SPIRE1: variants seen among roughly 807,000 people sequenced by gnomAD.
SPIRE1 encodes protein spire homolog 1.
SPIRE1 carries 40 observed loss-of-function variants against 94.1 expected under a neutral mutation model. The observed-to-expected ratio is 0.43, with a 90% confidence interval of 0.33 to 0.55. SPIRE1 has a LOEUF of 0.55. Among genes scored for constraint, SPIRE1 ranks in the 20% least tolerant of loss-of-function variants. The probability of loss-of-function intolerance (pLI) is 0.06; values close to 1 mark genes in which losing one functional copy is unlikely to be tolerated. For missense variants in SPIRE1, 838 were observed against 975.2 expected, an observed-to-expected ratio of 0.86 and a Z score of 1.87; for synonymous variants, 376 against 371.7, an observed-to-expected ratio of 1.01 and a Z score of -0.13.
At chr18:12,513,856 T>G (rs2034114537) in intron 4 of SPIRE1, among the ~76,000 whole-genome samples, 2 of 151,572 alleles carry the variant, frequency 1.3e-5, no homozygotes, top group Non-Finnish European at 2.9e-5. Context: ...ATTTATTTAT[T>G]TTTAGAGACA....
chr18:12,611,836 T>C (rs1055654092), intron 2 of SPIRE1, among the ~76,000 whole-genome samples: 4 of 30,320 alleles, frequency 1.3e-4, no homozygotes, highest in African/African-American at 2.7e-4. Context: ...GCTACTTTTC[T>C]TTTTTTTTTT....
chr18:12,577,917 C>T (rs1234334650), intron 2 of SPIRE1, among the ~76,000 whole-genome samples: 1 of 152,010 alleles, frequency 6.6e-6, no homozygotes, highest in Non-Finnish European at 1.5e-5. Flanking sequence ...ATATACCTTA[C>T]AAAAGAAGAT....
chr18:12,618,143 C>T, intron 2 of SPIRE1, among the ~76,000 whole-genome samples: 1 of 151,960 alleles, frequency 6.6e-6, no homozygotes, highest in Non-Finnish European at 1.5e-5. Context: ...GCTCTGTCGC[C>T]CAGGCTGGAG....
chr18:12,554,357 C>T (rs2035441614), intron 2 of SPIRE1, among the ~76,000 whole-genome samples: 1 of 149,146 alleles, frequency 6.7e-6, no homozygotes, highest in African/African-American at 2.5e-5. Flanking sequence ...TTAGTGTCTA[C>T]TATGAACAAC....
rs189692387 is a variant in SPIRE1, at chr18:12,465,824, A to G, written c.1405-866T>C. 7.8e-3 allele frequency among the ~76,000 whole-genome samples: 1,191 copies of G among 152,204 alleles called. 12 individuals carry two copies. The highest frequency in any genetic ancestry group is 0.031 in the South Asian group (150 of 4,826). On this transcript the variant is annotated intron_variant, in intron 10 of 16. Coordinates refer to ENST00000409402, the MANE Select transcript of SPIRE1 (RefSeq NM_001128626.2). ...TTGTGGGCCAGGTACGGTGGCTCGC[A>G]CCTATAATCCCAGCACTTTGGGAGG...
rs1349942298 is a variant in SPIRE1, at chr18:12,522,590, T to C, written c.730-10059A>G. On this transcript the variant is annotated intron_variant, in intron 4 of 16. Transcript: ENST00000409402. ...ATTGGAAGAAGATACCATCTGGGAC[T>C]TTCATAGCTAGAGAGAAATCAGTGC... is the stretch of plus-strand genomic sequence containing the variant. Among the ~76,000 whole-genome samples the C allele has an allele frequency of 3.9e-5, 6 of 152,310 alleles. No homozygotes were observed. In the East Asian group the frequency reaches 1.2e-3, roughly 29 times the overall value.
At chr18:12,484,858 G>A (rs1400269514) in intron 9 of SPIRE1, among the ~76,000 whole-genome samples, 2 of 152,118 alleles carry the variant, frequency 1.3e-5, no homozygotes, top group African/African-American at 2.4e-5. Context: ...AGGAGTTTGA[G>A]AGCAGCCTGG....
chr18:12,558,548 T>C (rs955052038), intron 2 of SPIRE1, among the ~76,000 whole-genome samples: 1 of 152,182 alleles, frequency 6.6e-6, no homozygotes, highest in African/African-American at 2.4e-5. Context: ...ATCCTGCTGA[T>C]TGGTCCATTT....
intron 2 of SPIRE1, among the ~76,000 whole-genome samples, chr18:12,600,762 A>C (rs1421265927): frequency 6.6e-6 from 1 of 151,832 alleles, no homozygotes; most frequent in African/African-American, 2.4e-5. Flanking sequence ...TCGCTCTGTC[A>C]CTCAGGGTGG....
intron 4 of SPIRE1, among the ~76,000 whole-genome samples, chr18:12,522,641 G>C (rs1388772698): frequency 6.6e-6 from 1 of 152,118 alleles, no homozygotes; most frequent in Non-Finnish European, 1.5e-5. Flanking sequence ...CAAAGGACAG[G>C]GTGACTCTCT....
In SPIRE1 at chr18:12,448,213, T is replaced by C. The variant is rs2143459873; in HGVS notation, c.*1425A>G. 6.5e-6 allele frequency: 1 copy of C among 152,744 alleles called. No homozygotes were observed. Among genetic ancestry groups the C allele is most frequent in the African/African-American group, 2.4e-5 (1 of 41,578 alleles). 9.5% of individuals were successfully genotyped at this position (152,744 alleles called of 1,614,324 possible). A position where few individuals can be genotyped will look rare whatever the true frequency, so the allele number is the denominator to read the frequency against. On this transcript the variant is annotated 3_prime_UTR_variant, in exon 17 of 17. Transcript: ENST00000409402. This position sits in a 1 kb window ranked among gnomAD's most constrained non-coding sequence, Gnocchi z 4.4. ...ATTAAAAACTACTACCGGAGCAGTTTTGAGGTATTACTGTTAATTTAGTAT... is the reference window on the plus strand; with the variant it reads ...ATTAAAAACTACTACCGGAGCAGTTCTGAGGTATTACTGTTAATTTAGTAT...
intron 1 of SPIRE1, among the ~76,000 whole-genome samples, chr18:12,640,231 C>G (rs943344541): frequency 6.6e-6 from 1 of 152,076 alleles, no homozygotes; most frequent in Admixed American, 6.5e-5. Context: ...CAAACTATAC[C>G]TACCAAAAAA....
chr18:12,524,159 T>C (rs967094499), intron 4 of SPIRE1, among the ~76,000 whole-genome samples: 6 of 152,382 alleles, frequency 3.9e-5, no homozygotes, highest in African/African-American at 1.4e-4. Flanking sequence ...TATTGGATTA[T>C]ATTGTGTAAA....
At chr18:12,622,644 G>A (rs988379346) in intron 2 of SPIRE1, among the ~76,000 whole-genome samples, 4 of 150,838 alleles carry the variant, frequency 2.7e-5, no homozygotes, top group South Asian at 2.1e-4. Context: ...GGATGGTCTC[G>A]ATCTCCTGAC....
intron 11 of SPIRE1, among the ~76,000 whole-genome samples, chr18:12,464,366 C>A (rs934185520): frequency 6.6e-6 from 1 of 152,086 alleles, no homozygotes. Context: ...ATTTTTAATA[C>A]TTCATAATGT....
chr18:12,637,241 C>T lies in SPIRE1; in HGVS notation c.338-2145G>A, dbSNP rs567736297. On this transcript the variant is annotated intron_variant, in intron 1 of 16. Coordinates refer to ENST00000409402, the MANE Select transcript of SPIRE1 (RefSeq NM_001128626.2). ...GGGTGTGGTGGCAAGTGCCTGTAGT[C>T]CCAGCTACTCGGGAGGCTGAGGCAG... is the stretch of plus-strand genomic sequence containing the variant. Among the ~76,000 whole-genome samples, 143 of 151,932 alleles carry T rather than the reference C, an allele frequency of 9.4e-4. 1 individual carries two copies. Among genetic ancestry groups the T allele is most frequent in the Admixed American group, 5.2e-3 (79 of 15,216 alleles).
At chr18:12,605,489 A>C (rs1461170741) in intron 2 of SPIRE1, among the ~76,000 whole-genome samples, 1 of 152,214 alleles carries the variant, frequency 6.6e-6, no homozygotes, top group Non-Finnish European at 1.5e-5. Flanking sequence ...CTGGTAACAG[A>C]GCAAGACTCT....
At position 12,493,202 on chromosome 18, in the gene SPIRE1, C is replaced by T; in HGVS notation, c.1060-1G>A. On this transcript the variant is annotated splice_acceptor_variant, in intron 7 of 16. Coordinates refer to ENST00000409402, the MANE Select transcript of SPIRE1 (RefSeq NM_001128626.2). LOFTEE classifies it high-confidence loss of function. Reference sequence around the variant, plus strand: ...TTGGTTTCAGTTTTCTGGCTGAGACCTTGAAAGTAAGAAAAATGGCTAAAG... The same window carrying T: ...TTGGTTTCAGTTTTCTGGCTGAGACTTTGAAAGTAAGAAAAATGGCTAAAG... 2 of 1,606,472 alleles carry T rather than the reference C, an allele frequency of 1.2e-6. No individual in the cohort carries two copies. Among genetic ancestry groups the T allele is most frequent in the Non-Finnish European group, 1.7e-6 (2 of 1,178,308 alleles).
intron 2 of SPIRE1, among the ~76,000 whole-genome samples, chr18:12,601,251 CAA>C (rs752663920): frequency 6.6e-5 from 9 of 136,670 alleles, no homozygotes; most frequent in East Asian, 2.1e-4. Context: ...CCATCTCTAC[CAA>C]AAAAAAAAAA....
Sources: allele counts gnomAD v4.1 joint callset (sites outside exome capture counted in the v4.1 genomes callset), GRCh38; gene constraint gnomAD v4.1.1; non-coding constraint Gnocchi (gnomAD v3.1); transcripts MANE v1.5; gene names NCBI Gene and HGNC (gene_info 2026-07-23, HGNC 2026-07-21).